CAPN1: variants seen among roughly 807,000 people sequenced by gnomAD.
CAPN1 encodes the protein calpain 1.
In CAPN1, 77 loss-of-function variants were observed where a neutral mutation model predicts 105.2. The observed-to-expected ratio is 0.73, with a 90% CI of 0.61 to 0.88. The LOEUF (loss-of-function observed/expected upper bound fraction) is 0.88. CAPN1 is among the 40% of genes least tolerant of loss of function. The pLI is 0.00. For missense variants in CAPN1, 833 were observed against 976.6 expected, an observed-to-expected ratio of 0.85 and a Z score of 1.96; for synonymous variants, 355 against 388.8, an observed-to-expected ratio of 0.91 and a Z score of 1.02.
In CAPN1 at chr11:65,186,008, G is replaced by A. The variant is rs1948627374; in HGVS notation, c.548G>A (p.Gly183Asp). ...GKLVFVHSAE[G>D]NEFWSALLEK... ...CTAGTGTTCGTGCACTCTGCCGAAG[G>A]CAACGAGTTCTGGAGCGCCCTGCTT... The change falls in exon 5 of 22, where the codon GGC becomes GAC. Residue 183 changes from glycine to aspartate, a missense_variant. Transcript: ENST00000279247. The A allele has an allele frequency of 3.7e-6, 6 of 1,610,258 alleles. No homozygotes were observed. The highest frequency in any genetic ancestry group is 5.1e-6 in the Non-Finnish European group (6 of 1,178,258).
At position 65,210,488 on chromosome 11, in the gene CAPN1, C is replaced by T. The variant is rs772673031; in HGVS notation, c.2059+36C>T. On this transcript the variant is annotated intron_variant, in intron 20 of 21. Transcript: ENST00000279247. The surrounding 1 kb of genome is among the most constrained non-coding windows in gnomAD (Gnocchi z 4.3). ...CCAACTGCCTCCCACCCTCCAGCTCCGTCCCAAACGCGTCCCCCAGGAGCT... is the reference window on the plus strand; with the variant it reads ...CCAACTGCCTCCCACCCTCCAGCTCTGTCCCAAACGCGTCCCCCAGGAGCT... 22 of 1,260,900 alleles carry T rather than the reference C, an allele frequency of 1.7e-5. No individual in the cohort carries two copies. The highest frequency in any genetic ancestry group is 1.2e-4 in the East Asian group (5 of 42,372). The allele number at this position is 1,260,900 out of a possible 1,614,324, so 78.1% of individuals were successfully genotyped here. A position where few individuals can be genotyped will look rare whatever the true frequency, so the allele number is the denominator to read the frequency against.
chr11:65,188,884 T>A lies in CAPN1; in HGVS notation c.1165+138T>A. The stretch of plus-strand genomic sequence containing the variant: ...GAATTTGCTTTGAGGAGTAAAATAT[T>A]AAATGTCCTAGTAAATTTTAAAGAG... On this transcript the variant is annotated intron_variant, in intron 10 of 21. Coordinates refer to ENST00000279247, the MANE Select transcript of CAPN1 (RefSeq NM_005186.4). The surrounding 1 kb of genome is among the most constrained non-coding windows in gnomAD (Gnocchi z 5.5). The A allele has an allele frequency of 2.7e-6, 2 of 747,110 alleles. No individual in the cohort carries two copies. Among genetic ancestry groups the A allele is most frequent in the Non-Finnish European group, 4.3e-6 (2 of 468,364 alleles). 46.3% of individuals were successfully genotyped at this position (747,110 alleles called of 1,614,324 possible).
chr11:65,185,812 A>G (rs143548436), intron 4 of CAPN1, 105 bp from the exon 5 acceptor site: 1 of 1,168,044 alleles, frequency 8.6e-7, no homozygotes, highest in African/African-American at 1.6e-5. Context: ...TGTATCTAGT[A>G]TGTATCTGGG....
intron 14 of CAPN1, 139 bp from the exon 15 acceptor site, chr11:65,207,916 A>T: frequency 4.0e-4 from 3 of 7,494 alleles, no homozygotes; most frequent in Non-Finnish European, 6.3e-4. Flanking sequence ...TCCATCTCAA[A>T]AAGAAAAGAA....
At chr11:65,197,597 T>G (rs750445366) in intron 10 of CAPN1, among the ~76,000 whole-genome samples, 4 of 152,154 alleles carry the variant, frequency 2.6e-5, no homozygotes, top group Non-Finnish European at 5.9e-5. Flanking sequence ...TTTGAAAAAT[T>G]TTGTCCACGC....
At chr11:65,204,656 G>C in intron 10 of CAPN1, 27 bp from the exon 11 acceptor site, 1 of 1,599,504 alleles carries the variant, frequency 6.3e-7, no homozygotes. Flanking sequence ...CCCTGCCTCT[G>C]ATCCCCGCCT....
intron 10 of CAPN1, among the ~76,000 whole-genome samples, chr11:65,204,157 C>T (rs1005673938): frequency 2.6e-5 from 4 of 152,182 alleles, no homozygotes; most frequent in African/African-American, 7.2e-5. Flanking sequence ...AATGCAGTCA[C>T]ATGCCTCCTC....
At position 65,188,730 on chromosome 11, in the gene CAPN1, C is replaced by T. The variant is rs777379507; in HGVS notation, c.1149C>T (p.Gly383=). The change falls in exon 10 of 22, where the codon GGC becomes GGT. Residue 383 remains glycine (G), a synonymous_variant. Transcript: ENST00000279247. This position sits in a 1 kb window ranked among gnomAD's most constrained non-coding sequence, Gnocchi z 5.5. ...GGCGGCGGGGGAGCACCGCGGGGGG[C>T]TGCCGAAACTACCCAGGTGCACAGG... is the stretch of plus-strand genomic sequence containing the variant. ...GTWRRGSTAG[G]CRNYPATFWV... 8.3e-6 allele frequency: 13 copies of T among 1,574,164 alleles called. No homozygotes were observed. Among genetic ancestry groups the T allele is most frequent in the African/African-American group, 2.7e-5 (2 of 73,726 alleles).
rs192862400 is a variant in CAPN1, at chr11:65,199,598, C to T, written c.1166-5085C>T. ...CAATCCTCTCTTTCTCTTAACCTTG[C>T]TTTTAGATTTCCCATCTCTTAGTGT... On this transcript the variant is annotated intron_variant, in intron 10 of 21. Coordinates refer to ENST00000279247, the MANE Select transcript of CAPN1 (RefSeq NM_005186.4). Among the ~76,000 whole-genome samples, 46 of 152,298 alleles carry T rather than the reference C, an allele frequency of 3.0e-4. No individual in the cohort carries two copies. The East Asian group carries it at 7.7e-3, about 26-fold the overall frequency.
At chr11:65,203,996 C>A (rs1222482612) in intron 10 of CAPN1, among the ~76,000 whole-genome samples, 1 of 152,134 alleles carries the variant, frequency 6.6e-6, no homozygotes, top group Non-Finnish European at 1.5e-5. Flanking sequence ...CAAGAAGGTT[C>A]TTTAGGCAGC....
chr11:65,204,839 T>C lies in CAPN1; in HGVS notation c.1322T>C (p.Ile441Thr), dbSNP rs1404790673. The C allele has an allele frequency of 6.2e-7, 1 of 1,609,890 alleles. No homozygotes were observed. Among genetic ancestry groups the C allele is most frequent in the Admixed American group, 1.7e-5 (1 of 59,964 alleles). The change falls in exon 11 of 22, where the codon ATT becomes ACT. Residue 441 changes from isoleucine to threonine, a missense_variant. Transcript: ENST00000279247. ...ERRFGRDMET[I>T]GFAVYEVPPE... ...CGCTTCGGCCGCGACATGGAGACTA[T>C]TGGCTTCGCGGTCTACGAGGTCAGG...
intron 10 of CAPN1, among the ~76,000 whole-genome samples, chr11:65,198,505 A>G (rs914187773): frequency 6.6e-6 from 1 of 151,956 alleles, no homozygotes; most frequent in African/African-American, 2.4e-5. Context: ...TTCAGCTTGA[A>G]TCACCCCTTT....
Position 65,204,791 on chromosome 11 carries a change from A to C in CAPN1, c.1274A>C (p.Gln425Pro), listed in dbSNP as rs748700097. The C allele has an allele frequency of 6.2e-7, 1 of 1,612,664 alleles. No individual in the cohort carries two copies. Among genetic ancestry groups the C allele is most frequent in the Non-Finnish European group, 8.5e-7 (1 of 1,179,484 alleles). The change falls in exon 11 of 22, where the codon CAG (glutamine) becomes CCG (proline). Residue 425 changes from glutamine to proline, a missense_variant. By Grantham distance (76) the Gln-to-Pro change is moderately conservative. Transcript: ENST00000279247. ...TGCAGCTTCGTGCTCGCCCTTATGC[A>C]GAAGCACCGTCGCCGCGAGCGCCGC... ...SGCSFVLALM[Q>P]KHRRRERRFG...
At position 65,208,990 on chromosome 11, in the gene CAPN1, CCT is replaced by C. The variant is rs1949004306; in HGVS notation, c.1730-330_1730-329del. ...TTTCCTTAAGCAGAGCTTTTCTCCT[CCT>C]CTTCTCTGCTAGTGAAGCACTGCTT... On this transcript the variant is annotated intron_variant, in intron 16 of 21. Coordinates refer to ENST00000279247, the MANE Select transcript of CAPN1 (RefSeq NM_005186.4). The surrounding 1 kb of genome is among the most constrained non-coding windows in gnomAD (Gnocchi z 4.1). The C allele has an allele frequency of 2.7e-6, 1 of 373,574 alleles. No homozygotes were observed. Among genetic ancestry groups the C allele is most frequent in the African/African-American group, 2.1e-5 (1 of 48,694 alleles). The allele number at this position is 373,574 out of a possible 1,614,324, so 23.1% of individuals were successfully genotyped here.
intron 10 of CAPN1, among the ~76,000 whole-genome samples, chr11:65,201,737 C>G (rs1320076013): frequency 2.6e-5 from 4 of 151,902 alleles, no homozygotes; most frequent in Non-Finnish European, 4.4e-5. Context: ...CCAGGATGGT[C>G]TCGATCTCCT....
intron 11 of CAPN1, among the ~76,000 whole-genome samples, chr11:65,205,402 C>T (rs566722735): frequency 3.7e-4 from 57 of 152,306 alleles, no homozygotes; most frequent in African/African-American, 1.3e-3. Flanking sequence ...CAGCAGCCTG[C>T]GGTGGCCCTT....
At chr11:65,184,271 G>C (rs990334992) in intron 4 of CAPN1, among the ~76,000 whole-genome samples, 1 of 152,072 alleles carries the variant, frequency 6.6e-6, no homozygotes, top group Non-Finnish European at 1.5e-5. Context: ...CGCGGGTGGA[G>C]GTGGCCCTCG....
In CAPN1 at chr11:65,210,007, C is replaced by T. The variant is rs17885792; in HGVS notation, c.1864-11C>T. On this transcript the variant is annotated splice_polypyrimidine_tract_variant and intron_variant, in intron 18 of 21. Transcript: ENST00000279247. This position sits in a 1 kb window ranked among gnomAD's most constrained non-coding sequence, Gnocchi z 4.3. ...ACTCAGCCTGGCCCTCACCCTCTGC[C>T]GCCACCTCAGTCCATCTTCCGGAAG... 4.5e-3 allele frequency: 7,267 copies of T among 1,613,006 alleles called. 280 individuals are homozygous for T. The African/African-American group carries it at 0.085, about 19-fold the overall frequency.
At chr11:65,186,382 G>T in intron 6 of CAPN1, 44 bp downstream of exon 6, 1 of 1,554,012 alleles carries the variant, frequency 6.4e-7, no homozygotes, top group Non-Finnish European at 8.7e-7. Flanking sequence ...TGGAACCCTG[G>T]TATCCTGACC....
Sources: allele counts gnomAD v4.1 joint callset (sites outside exome capture counted in the v4.1 genomes callset), GRCh38; gene constraint gnomAD v4.1.1; non-coding constraint Gnocchi (gnomAD v3.1); transcripts MANE v1.5; gene names NCBI Gene and HGNC (gene_info 2026-07-23, HGNC 2026-07-21).